The following SUPT3H variants were observed in gnomAD, a reference collection of about 807,000 sequenced individuals.
SUPT3H encodes SPT3 homolog, SAGA and STAGA complex component.
SUPT3H carries 44 observed loss-of-function variants against 44.3 expected under a neutral mutation model. The ratio of observed to expected loss-of-function variants is 0.99; its 90% CI spans 0.78 to 1.28. SUPT3H has a LOEUF of 1.28. Among genes scored for constraint, SUPT3H ranks in the 50% most tolerant of loss-of-function variants. SUPT3H has a pLI of 0.00. For synonymous variants in SUPT3H, 124 were observed against 125.6 expected, an observed-to-expected ratio of 0.99 and a Z score of 0.09; for missense variants, 380 against 387.1, an observed-to-expected ratio of 0.98 and a Z score of 0.15.
At chr6:45,117,047 C>T (rs1208202632) in intron 2 of SUPT3H, among the ~76,000 whole-genome samples, 1 of 152,030 alleles carries the variant, frequency 6.6e-6, no homozygotes, top group Admixed American at 6.6e-5. Flanking sequence ...ACTTTCAATT[C>T]TCACTTGAAT....
At chr6:45,343,164 T>G (rs1790161000) in intron 2 of SUPT3H, among the ~76,000 whole-genome samples, 1 of 152,174 alleles carries the variant, frequency 6.6e-6, no homozygotes, top group Non-Finnish European at 1.5e-5. Flanking sequence ...CTCATACTCA[T>G]AGTGTGGCTC....
chr6:45,368,261 C>A (rs1795486538), intron 1 of SUPT3H, among the ~76,000 whole-genome samples: 1 of 151,898 alleles, frequency 6.6e-6, no homozygotes, highest in African/African-American at 2.4e-5. Flanking sequence ...AAATGTGAAC[C>A]CAAGGAATAA....
In SUPT3H at chr6:44,908,949, C is replaced by T. The variant is rs554776362; in HGVS notation, c.912+23704G>A. Among the ~76,000 whole-genome samples, 279 of 152,152 alleles carry T rather than the reference C, an allele frequency of 1.8e-3. 1 individual carries two copies. Among genetic ancestry groups the T allele is most frequent in the African/African-American group, 6.2e-3 (259 of 41,500 alleles). On this transcript the variant is annotated intron_variant, in intron 10 of 10. Coordinates refer to ENST00000371459, the MANE Select transcript of SUPT3H (RefSeq NM_003599.4). Reference sequence around the variant, plus strand: ...GCATAGGGAAATATTAAATAATAAGCTTTCATCTATCTCCTCAGCAACAAC... The same window carrying T: ...GCATAGGGAAATATTAAATAATAAGTTTTCATCTATCTCCTCAGCAACAAC...
intron 1 of SUPT3H, chr6:45,377,175 T>C (rs1346591024): frequency 2.0e-5 from 3 of 152,166 alleles, no homozygotes; most frequent in Non-Finnish European, 4.4e-5. Flanking sequence ...CCTGGCGCTG[T>C]TCTAAGCGTT....
At chr6:45,264,993 C>T (rs1298969242) in intron 2 of SUPT3H, among the ~76,000 whole-genome samples, 3 of 152,096 alleles carry the variant, frequency 2.0e-5, no homozygotes, top group Non-Finnish European at 4.4e-5. Flanking sequence ...TTAATTTGAA[C>T]TGAAATTTCC....
intron 2 of SUPT3H, among the ~76,000 whole-genome samples, chr6:45,129,455 C>A (rs960885094): frequency 6.6e-6 from 1 of 152,156 alleles, no homozygotes; most frequent in Admixed American, 6.5e-5. Context: ...ACTTCAAATT[C>A]TTGGTTTCCT....
chr6:45,324,603 G>A (rs1448555269), intron 2 of SUPT3H, among the ~76,000 whole-genome samples: 1 of 151,250 alleles, frequency 6.6e-6, no homozygotes, highest in Non-Finnish European at 1.5e-5. Flanking sequence ...CAGGTAGAGG[G>A]AGAGAGATTG....
chr6:45,205,194 A>G (rs1763036764), intron 2 of SUPT3H, among the ~76,000 whole-genome samples: 1 of 152,130 alleles, frequency 6.6e-6, no homozygotes, highest in Non-Finnish European at 1.5e-5. Context: ...TTGGTTTTTT[A>G]GTTTTCTCAA....
intron 2 of SUPT3H, among the ~76,000 whole-genome samples, chr6:45,345,158 T>C (rs773307543): frequency 1.6e-4 from 25 of 152,192 alleles, no homozygotes; most frequent in Admixed American, 4.6e-4. Flanking sequence ...AGAATACTTA[T>C]AAAAATCTTT....
At chr6:45,025,508 A>G (rs1215906576) in intron 3 of SUPT3H, among the ~76,000 whole-genome samples, 6 of 152,222 alleles carry the variant, frequency 3.9e-5, no homozygotes, top group African/African-American at 1.4e-4. Flanking sequence ...AGCTATGTAA[A>G]ATCGATGGCC....
In SUPT3H at chr6:45,255,490, T is replaced by C. The variant is rs186831566; in HGVS notation, c.101+109711A>G. Among the ~76,000 whole-genome samples the C allele has an allele frequency of 2.8e-5, 4 of 143,226 alleles. No homozygotes were observed. In the East Asian group the frequency reaches 9.1e-4, roughly 33 times the overall value. 94.0% of individuals were successfully genotyped at this position (143,226 alleles called of 152,430 possible). A position where few individuals can be genotyped will look rare whatever the true frequency, so the allele number is the denominator to read the frequency against. On this transcript the variant is annotated intron_variant, in intron 2 of 10. Transcript: ENST00000371459. ...AGGCTGGAATGCGGTGGCAAAATCA[T>C]AGCTCAATGAAGCTTTGAATTCCTG...
chr6:45,359,012 A>C (rs573708316), intron 2 of SUPT3H, among the ~76,000 whole-genome samples: 1 of 152,222 alleles, frequency 6.6e-6, no homozygotes, highest in Non-Finnish European at 1.5e-5. Flanking sequence ...TCACAGAATT[A>C]CTCAAATAAC....
chr6:45,279,506 C>G (rs556783860), intron 2 of SUPT3H, among the ~76,000 whole-genome samples: 9 of 152,042 alleles, frequency 5.9e-5, no homozygotes, highest in Admixed American at 5.2e-4. Flanking sequence ...CTGCCAAGAT[C>G]TGATTTTTTA....
chr6:45,377,149 T>A (rs1350065573), intron 1 of SUPT3H, among the ~76,000 whole-genome samples: 1 of 152,196 alleles, frequency 6.6e-6, no homozygotes, highest in African/African-American at 2.4e-5. Context: ...GCAGAGCTAA[T>A]ATGTACTGAG....
rs1015410906 is a variant in SUPT3H, at chr6:44,827,387, T to G, written c.*2429A>C. 6.6e-6 allele frequency among the ~76,000 whole-genome samples: 1 copy of G among 152,092 alleles called. No individual in the cohort carries two copies. The highest frequency in any genetic ancestry group is 2.4e-5 in the African/African-American group (1 of 41,442). Reference sequence around the variant, plus strand: ...TAGTAATATTCTTATGCTAACCCAGTATGGTAGAAAATACTGTATAATACC... The same window carrying G: ...TAGTAATATTCTTATGCTAACCCAGGATGGTAGAAAATACTGTATAATACC... On this transcript the variant is annotated 3_prime_UTR_variant, in exon 11 of 11. Transcript: ENST00000371459.
chr6:44,853,856 T>C (rs1773309244), intron 10 of SUPT3H, among the ~76,000 whole-genome samples: 1 of 152,038 alleles, frequency 6.6e-6, no homozygotes, highest in African/African-American at 2.4e-5. Context: ...GTTCTCTTCC[T>C]GATAAAAATA....
chr6:45,267,732 A>C (rs1473220529), intron 2 of SUPT3H, among the ~76,000 whole-genome samples: 2 of 152,128 alleles, frequency 1.3e-5, no homozygotes, highest in African/African-American at 4.8e-5. Context: ...GTAGTGACAA[A>C]ATGTGCCAGT....
intron 2 of SUPT3H, among the ~76,000 whole-genome samples, chr6:45,292,772 A>T (rs1780522468): frequency 1.2e-5 from 1 of 84,664 alleles, no homozygotes; most frequent in African/African-American, 3.9e-5. Flanking sequence ...GGCCTTGTCC[A>T]ACAGGAAAAT....
chr6:45,286,163 TAC>T (rs1358137531), intron 2 of SUPT3H, among the ~76,000 whole-genome samples: 16 of 151,536 alleles, frequency 1.1e-4, no homozygotes, highest in Admixed American at 7.9e-4. Flanking sequence ...ACCTAGGCAA[TAC>T]CATTCAGGAC....
Sources: gnomAD v4.1 joint callset for allele counts (sites outside exome capture counted in the v4.1 genomes callset) on GRCh38, gnomAD v4.1.1 for gene constraint, MANE v1.5 for transcripts, NCBI Gene and HGNC (gene_info 2026-07-23, HGNC 2026-07-21) for gene names.